Variants in MYBPC2 observed in about 807,000 individuals in gnomAD.
MYBPC2 encodes the protein myosin-binding protein C, fast-type.
A neutral mutation model predicts 137.0 loss-of-function variants in MYBPC2; 122 were observed. That is an observed-to-expected ratio of 0.89 (90% confidence interval 0.77 to 1.03). MYBPC2 has a LOEUF of 1.03. Among genes scored for constraint, MYBPC2 ranks in the 50% least tolerant of loss-of-function variants. The probability of loss-of-function intolerance (pLI) is 0.00; values close to 1 mark genes in which losing one functional copy is unlikely to be tolerated. For synonymous variants in MYBPC2, 626 were observed against 612.3 expected (o/e 1.02, Z -0.33); for missense variants, 1,500 against 1,534.4 (o/e 0.98, Z 0.37).
At position 50,448,244 on chromosome 19, in the gene MYBPC2, G is replaced by A. The variant is rs1323732080; in HGVS notation, c.1326G>A (p.Leu442=). The stretch of plus-strand genomic sequence containing the variant: ...GACCAGAGAAACAGCTGGAGGTCCT[G>A]CAGGACATCGCGGATCTGACGGTGA... ...LIVEEKQLEV[L]QDIADLTVKA... Residue 442 remains leucine (L), a synonymous_variant, in exon 13 of 28, where the codon CTG becomes CTA. Coordinates refer to ENST00000357701, the MANE Select transcript of MYBPC2 (RefSeq NM_004533.4). 1.2e-6 allele frequency: 2 copies of A among 1,613,542 alleles called. No homozygotes were observed. The highest frequency in any genetic ancestry group is 1.7e-6 in the Non-Finnish European group (2 of 1,179,660).
At position 50,441,045 on chromosome 19, in the gene MYBPC2, A is replaced by G; in HGVS notation, c.738A>G (p.Lys246=). 2 of 1,604,534 alleles carry G rather than the reference A, an allele frequency of 1.2e-6. No individual in the cohort carries two copies. The highest frequency in any genetic ancestry group is 1.7e-6 in the Non-Finnish European group (2 of 1,175,712). ...TCCGGGGCATGCTGAAGCGGCTGAAAAAGGCTAAGGTCGAGGTCAAGAAGA... is the reference window on the plus strand; with the variant it reads ...TCCGGGGCATGCTGAAGCGGCTGAAGAAGGCTAAGGTCGAGGTCAAGAAGA... The part of the protein sequence containing the change: ...TDLRGMLKRL[K]KAKVEVKKSA... The change falls in exon 8 of 28, where the codon AAA becomes AAG. Residue 246 remains lysine, a synonymous_variant. Coordinates refer to ENST00000357701, the MANE Select transcript of MYBPC2 (RefSeq NM_004533.4).
At chr19:50,443,683 A>G in intron 10 of MYBPC2, 28 bp from the exon 11 acceptor site, 1 of 1,611,414 alleles carries the variant, frequency 6.2e-7, no homozygotes, top group South Asian at 1.1e-5. Context: ...TCCTGAAACG[A>G]CTGACCTCCT....
At position 50,450,925 on chromosome 19, in the gene MYBPC2, C is replaced by T. The variant is rs747857453; in HGVS notation, c.1569C>T (p.Leu523=). 65 of 1,566,068 alleles carry T rather than the reference C, an allele frequency of 4.2e-5. No individual in the cohort carries two copies. In the South Asian group the frequency reaches 6.7e-4, roughly 16 times the overall value. Residue 523 remains leucine, a synonymous_variant, in exon 14 of 28, where the codon CTC becomes CTT. Coordinates refer to ENST00000357701, the MANE Select transcript of MYBPC2 (RefSeq NM_004533.4). ...DGYALSLSAK[L]NFLEIKVEYV... The stretch of plus-strand genomic sequence containing the variant: ...ACGCCCTGTCGCTCTCGGCCAAGCT[C>T]AACTTCCTGGGTGAGGATGCCCCTT...
rs2039825236 is a variant in MYBPC2 at position 50,448,340 on chromosome 19, TG to T, written c.1426del (p.Val476SerfsTer14). The T allele has an allele frequency of 6.2e-6, 10 of 1,613,740 alleles. No individual in the cohort carries two copies. The highest frequency in any genetic ancestry group is 8.5e-6 in the Non-Finnish European group (10 of 1,179,814). On this transcript the variant is annotated frameshift_variant, in exon 13 of 28. Transcript: ENST00000357701. LOFTEE classifies it high-confidence loss of function. Reference protein sequence around the residue: ...EKVTGKWYKNGVEVRPSKRIT... With the variant: ...EKVTGKWYKNXVEVRPSKRIT... ...AAGTGACGGGCAAGTGGTATAAGAA[TG>T]GGGTCGAGGTGCGGCCCAGCAAGAG...
chr19:50,442,729 TAAC>T (rs1025807050), intron 9 of MYBPC2, among the ~76,000 whole-genome samples: 7 of 151,430 alleles, frequency 4.6e-5, no homozygotes, highest in Admixed American at 6.6e-5. Flanking sequence ...GAGACCCTGT[TAAC>T]AACAACAACA....
chr19:50,442,209 C>T lies in MYBPC2; in HGVS notation c.798C>T (p.Tyr266=). The T allele has an allele frequency of 6.3e-7, 1 of 1,599,784 alleles. No homozygotes were observed. The highest frequency in any genetic ancestry group is 1.1e-5 in the South Asian group (1 of 88,382). The change falls in exon 9 of 28, where the codon TAC becomes TAT. Residue 266 remains tyrosine (Y), a synonymous_variant. Transcript: ENST00000357701. ...TCACAAAGAAGCTGGATCCAGCCTA[C>T]CAAGTGGACAGAGGCAACAAGATCA... The part of the protein sequence containing the change: ...AAFTKKLDPA[Y]QVDRGNKIKL...
rs773703897 is a variant in MYBPC2 at position 50,461,929 on chromosome 19, GA to G, written c.3122del (p.Glu1041GlyfsTer11). The G allele has an allele frequency of 7.6e-5, 121 of 1,597,260 alleles. No homozygotes were observed. The South Asian group carries it at 1.3e-3, about 17-fold the overall frequency. ...CACCTTCAAACCGTTCGAGTATAAG[GA>G]GCATGACTTCCGGATGGCTCCCAAG... ...GITFKPFEYKEHDFRMAPKFL... is the reference protein window; with the variant it reads ...GITFKPFEYKXHDFRMAPKFL... On this transcript the variant is annotated frameshift_variant, in exon 26 of 28. Coordinates refer to ENST00000357701, the MANE Select transcript of MYBPC2 (RefSeq NM_004533.4). LOFTEE classifies it high-confidence loss of function.
chr19:50,464,658 G>C, intron 27 of MYBPC2, 126 bp downstream of exon 27: 1 of 1,143,710 alleles, frequency 8.7e-7, no homozygotes, highest in Non-Finnish European at 1.2e-6. Context: ...CTGGGAGGAG[G>C]ACTGGGAAGC....
intron 22 of MYBPC2, 30 bp from the exon 23 acceptor site, chr19:50,459,081 A>ACCC: frequency 6.5e-7 from 1 of 1,549,898 alleles, no homozygotes; most frequent in Non-Finnish European, 8.7e-7. Context: ...AGCCCCGCTG[A>ACCC]CCCCACCCCG....
chr19:50,458,790 A>G (rs372456320), intron 21 of MYBPC2, 36 bp downstream of exon 21: 1 of 1,604,728 alleles, frequency 6.2e-7, no homozygotes, highest in African/African-American at 1.3e-5. Context: ...CGAAAGACCA[A>G]GCTGGCGTCG....
rs374651536 is a variant in MYBPC2 at position 50,436,145 on chromosome 19, C to G, written c.330C>G (p.His110Gln). 47 of 1,581,856 alleles carry G rather than the reference C, an allele frequency of 3.0e-5. No individual in the cohort carries two copies. In the African/African-American group the frequency reaches 5.9e-4, roughly 20 times the overall value. Residue 110 changes from histidine to glutamine, a missense_variant, in exon 4 of 28, where the codon CAC becomes CAG. Transcript: ENST00000357701. ...SGARFSFKES[H>Q]NSASNVYTVE... ...CCCGCTTCTCCTTCAAGGAGTCCCA[C>G]AACTCCGCCAGCAATGTGAGGACCC...
In MYBPC2 at chr19:50,454,115, C is replaced by T; in HGVS notation, c.1845C>T (p.Arg615=). ...GTGCGCAGCGGGAAGACGAGGGCCG[C>T]TACACCATCAAGGTCACCAACCCCG... ...IESAQREDEG[R]YTIKVTNPVG... is the part of the protein sequence containing the mutation. The change falls in exon 17 of 28, where the codon CGC becomes CGT. Residue 615 remains arginine, a synonymous_variant. Coordinates refer to ENST00000357701, the MANE Select transcript of MYBPC2 (RefSeq NM_004533.4). The T allele has an allele frequency of 6.2e-7, 1 of 1,613,176 alleles. No homozygotes were observed. Among genetic ancestry groups the T allele is most frequent in the Admixed American group, 1.7e-5 (1 of 59,880 alleles).
chr19:50,458,464 G>C (rs1248500686), intron 20 of MYBPC2, 123 bp from the exon 21 acceptor site: 1 of 1,154,734 alleles, frequency 8.7e-7, no homozygotes, highest in Non-Finnish European at 1.2e-6. Flanking sequence ...TGCTGCTGCT[G>C]CTTCTACTGG....
intron 14 of MYBPC2, 32 bp downstream of exon 14, chr19:50,450,967 C>A: frequency 6.5e-7 from 1 of 1,537,816 alleles, no homozygotes; most frequent in Non-Finnish European, 8.8e-7. Flanking sequence ...TCCCTGGGGG[C>A]TGTAGGATCC....
At chr19:50,440,779 GGTGGCTTGGGTGA>G in intron 7 of MYBPC2, 88 bp from the exon 8 acceptor site, 2 of 1,208,018 alleles carry the variant, frequency 1.7e-6, no homozygotes, top group Non-Finnish European at 2.3e-6. Flanking sequence ...CTAAAGGGAA[GGTGGCTTGGGTGA>G]GTCACAGAGC....
intron 8 of MYBPC2, among the ~76,000 whole-genome samples, chr19:50,441,893 T>A (rs2039759498): frequency 6.9e-6 from 1 of 145,414 alleles, no homozygotes; most frequent in Non-Finnish European, 1.5e-5. Flanking sequence ...ATAAAATAAA[T>A]AAATAAAAAT....
rs753962048 is a variant in MYBPC2 at position 50,451,242 on chromosome 19, A to C, written c.1580-38A>C. ...TGAAGGTGGGGTGAGGGGCCTGCTG[A>C]GTTTAGACCTAACTGTCCAGTCTTC... On this transcript the variant is annotated intron_variant, in intron 14 of 27. Coordinates refer to ENST00000357701, the MANE Select transcript of MYBPC2 (RefSeq NM_004533.4). 7 of 1,611,984 alleles carry C rather than the reference A, an allele frequency of 4.3e-6. No individual in the cohort carries two copies. In the South Asian group the frequency reaches 7.7e-5, roughly 18 times the overall value.
At chr19:50,437,884 GGCT>G (rs1178316149) in intron 7 of MYBPC2, among the ~76,000 whole-genome samples, 166 bp downstream of exon 7, 4 of 151,914 alleles carry the variant, frequency 2.6e-5, no homozygotes, top group Non-Finnish European at 5.9e-5. Flanking sequence ...CAACCCATCA[GGCT>G]GCCTGTTCAT....
chr19:50,446,696 T>G (rs1268785898), intron 12 of MYBPC2, among the ~76,000 whole-genome samples: 1 of 150,846 alleles, frequency 6.6e-6, no homozygotes, highest in Admixed American at 6.6e-5. Flanking sequence ...GGCGTGCACC[T>G]GTAATCACAG....
Sources: gnomAD v4.1 joint callset for allele counts (sites outside exome capture counted in the v4.1 genomes callset) on GRCh38, gnomAD v4.1.1 for gene constraint, MANE v1.5 for transcripts, NCBI Gene and HGNC (gene_info 2026-07-23, HGNC 2026-07-21) for gene names.